Variants in LOC101059915 observed in about 807,000 individuals in gnomAD.
At chrX:71,668,279 C>T in the LOC101059915 span, 1 of 1,131,305 alleles carries the variant, frequency 8.8e-7, no homozygotes, top group Non-Finnish European at 1.2e-6. Flanking sequence ...TGGCAGCAGG[C>T]CTCTGCCGGC....
chrX:71,670,724 G>A, the LOC101059915 span: 10 of 1,098,924 alleles, frequency 9.1e-6, no homozygotes, highest in Non-Finnish European at 1.2e-5. Flanking sequence ...TGGTGGTGGG[G>A]GTGGACTGCA....
chrX:71,671,328 C>A, the LOC101059915 span: 1 of 988,334 alleles, frequency 1.0e-6, no homozygotes, highest in Non-Finnish European at 1.4e-6. Flanking sequence ...GCTGGGGGCC[C>A]ATCCCTGAGC....
chrX:71,669,118 C>T, the LOC101059915 span: 1 of 1,062,627 alleles, frequency 9.4e-7, no homozygotes, highest in Non-Finnish European at 1.2e-6. Flanking sequence ...TCCCCCCACC[C>T]ACCTCTCTTC....
At chrX:71,668,513 C>T in the LOC101059915 span, 6 of 1,147,314 alleles carry the variant, frequency 5.2e-6, no homozygotes, top group Non-Finnish European at 5.8e-6. Flanking sequence ...CCCGGAAGCC[C>T]CAAGAAGCCA....
the LOC101059915 span, chrX:71,668,599 C>T: frequency 5.5e-6 from 6 of 1,091,385 alleles, no homozygotes; most frequent in Admixed American, 1.5e-4. Flanking sequence ...CCTGATCTCT[C>T]CTCCCCGCAG....
chrX:71,668,202 T>TGAC, the LOC101059915 span: 2 of 1,121,371 alleles, frequency 1.8e-6, no homozygotes, highest in Non-Finnish European at 2.3e-6. Context: ...AAGGGTCCAC[T>TGAC]GACATCTGGG....
the LOC101059915 span, chrX:71,670,739 T>C: frequency 9.2e-7 from 1 of 1,090,478 alleles, no homozygotes; most frequent in East Asian, 3.4e-5. Flanking sequence ...ACTGCAGGTA[T>C]AGGTGGTGTC....
the LOC101059915 span, chrX:71,670,883 C>T: frequency 1.3e-6 from 1 of 754,271 alleles, no homozygotes; most frequent in Non-Finnish European, 1.6e-6. Flanking sequence ...CTACAAGTCC[C>T]AGAGATCTTC....
chrX:71,671,477 C>T, the LOC101059915 span: 1 of 379,274 alleles, frequency 2.6e-6, no homozygotes, highest in Non-Finnish European at 4.7e-6. Flanking sequence ...TGCATTTGCC[C>T]CCTTCCCAAC....
the LOC101059915 span, chrX:71,668,747 G>A: frequency 2.7e-5 from 29 of 1,070,213 alleles, no homozygotes; most frequent in Admixed American, 7.9e-4. Context: ...CCCCTACCCC[G>A]GGGCACTCTG....
the LOC101059915 span, chrX:71,669,174 G>A: frequency 3.6e-6 from 3 of 839,307 alleles, no homozygotes; most frequent in Non-Finnish European, 4.8e-6. Context: ...CTTGCTCACA[G>A]GTTGTCATCG....
chrX:71,669,061 ACTC>A, the LOC101059915 span: 9 of 1,133,325 alleles, frequency 7.9e-6, no homozygotes, highest in South Asian at 1.1e-4. Context: ...CTCTTCGCGC[ACTC>A]CTCCTTCTCC....
the LOC101059915 span, among the ~76,000 whole-genome samples, chrX:71,669,289 T>C: frequency 4.5e-5 from 5 of 111,574 alleles, no homozygotes; most frequent in African/African-American, 1.6e-4. Flanking sequence ...CACTCTGCAG[T>C]TGTCCTGCCT....
the LOC101059915 span, chrX:71,668,744 C>T: frequency 2.7e-5 from 29 of 1,070,707 alleles, no homozygotes; most frequent in South Asian, 1.3e-4. Context: ...GGGCCCCTAC[C>T]CCGGGGCACT....
chrX:71,667,559 GC>G, the LOC101059915 span: 1 of 253,367 alleles, frequency 3.9e-6, no homozygotes, highest in Non-Finnish European at 7.0e-6. Flanking sequence ...CATTGAGGGA[GC>G]CCGGAAGCCA....
chrX:71,669,593 C>T, the LOC101059915 span: 2 of 963,520 alleles, frequency 2.1e-6, no homozygotes, highest in Non-Finnish European at 2.6e-6. Flanking sequence ...ATTTCTCTGT[C>T]CGTGCGTCGT....
the LOC101059915 span, chrX:71,667,901 G>T: frequency 8.9e-7 from 1 of 1,125,257 alleles, no homozygotes; most frequent in Non-Finnish European, 1.2e-6. Flanking sequence ...GGAGCCCCAC[G>T]GGGTGACGGC....
chrX:71,671,285 C>A, the LOC101059915 span: 1 of 1,152,114 alleles, frequency 8.7e-7, no homozygotes, highest in Non-Finnish European at 1.2e-6. Context: ...TTCCACAGTC[C>A]CAGTAGCTTA....
At chrX:71,669,811 C>G in the LOC101059915 span, 3 of 809,568 alleles carry the variant, frequency 3.7e-6, no homozygotes, top group Non-Finnish European at 4.8e-6. Context: ...TGCTCCCAGG[C>G]TTCCCTGCCC....
Sources: allele counts gnomAD v4.1 joint callset (sites outside exome capture counted in the v4.1 genomes callset), GRCh38; gene constraint gnomAD v4.1.1; transcripts MANE v1.5.